Variants in PKHD1L1 observed in about 807,000 individuals in gnomAD.
The protein encoded by PKHD1L1 is fibrocystin-L.
PKHD1L1 carries 434 observed loss-of-function variants against 462.9 expected under a neutral mutation model. The observed-to-expected ratio is 0.94, with a 90% CI of 0.87 to 1.02. The LOEUF is 1.02. Ranked by LOEUF, PKHD1L1 falls within the 50% of genes least tolerant of loss-of-function variation. The pLI, the probability that PKHD1L1 is intolerant of heterozygous loss-of-function variation, is 0.00. For missense variants in PKHD1L1, 5,202 were observed against 5,096.1 expected, an observed-to-expected ratio of 1.02 and a Z score of -0.63; for synonymous variants, 1,781 against 1,750.0, an observed-to-expected ratio of 1.02 and a Z score of -0.44.
At chr8:109,402,010 G>C (rs1017431291) in intron 14 of PKHD1L1, among the ~76,000 whole-genome samples, 2 of 152,072 alleles carry the variant, frequency 1.3e-5, no homozygotes, top group Admixed American at 1.3e-4. Flanking sequence ...CCAGGCCCTG[G>C]GCCAGGTACT....
At chr8:109,482,111 GC>G (rs34100691) in intron 56 of PKHD1L1, among the ~76,000 whole-genome samples, 59,296 of 151,478 alleles carry the variant, frequency 0.39, 11,794 homozygotes, top group South Asian at 0.57. Flanking sequence ...AAAGCAAATG[GC>G]TTGAAAGAGT....
intron 76 of PKHD1L1, among the ~76,000 whole-genome samples, chr8:109,526,043 G>C (rs1344641932): frequency 6.6e-6 from 1 of 152,140 alleles, no homozygotes; most frequent in Non-Finnish European, 1.5e-5. Flanking sequence ...TGATAGCATA[G>C]ACCCAAAATA....
chr8:109,451,746 T>C (rs1310306560), intron 41 of PKHD1L1, among the ~76,000 whole-genome samples: 2 of 152,226 alleles, frequency 1.3e-5, no homozygotes, highest in African/African-American at 2.4e-5. Flanking sequence ...CATTTTTATC[T>C]GGAGGTTAAG....
chr8:109,467,903 G>A (rs763850645), intron 50 of PKHD1L1, among the ~76,000 whole-genome samples: 42 of 152,056 alleles, frequency 2.8e-4, no homozygotes, highest in Non-Finnish European at 4.4e-4. Flanking sequence ...ATAAGGAATC[G>A]TAAGTATAGA....
chr8:109,491,928 G>C lies in PKHD1L1; in HGVS notation c.10170G>C (p.Ser3390=). Residue 3390 remains serine, a synonymous_variant, in exon 62 of 78, where the codon TCG becomes TCC. Transcript: ENST00000378402. ...NRVRGNLIAL[S]VWPGTYQNRK... is the part of the protein sequence containing the mutation. ...TCCGAGGGAATTTGATTGCACTTTCGGTTTGGCCAGGAACCTATCAGAACA... is the reference window on the plus strand; with the variant it reads ...TCCGAGGGAATTTGATTGCACTTTCCGTTTGGCCAGGAACCTATCAGAACA... 1 of 1,603,556 alleles carries C rather than the reference G, an allele frequency of 6.2e-7. No individual in the cohort carries two copies. Among genetic ancestry groups the C allele is most frequent in the Non-Finnish European group, 8.5e-7 (1 of 1,172,778 alleles).
chr8:109,453,315 C>T (rs540050331), intron 43 of PKHD1L1, among the ~76,000 whole-genome samples: 18 of 152,268 alleles, frequency 1.2e-4, no homozygotes, highest in African/African-American at 3.8e-4. Context: ...CCTAAATGAT[C>T]CCCTTGACTC....
chr8:109,365,582 A>G (rs1184307751), intron 2 of PKHD1L1, among the ~76,000 whole-genome samples: 1 of 152,234 alleles, frequency 6.6e-6, no homozygotes, highest in African/African-American at 2.4e-5. Flanking sequence ...ATCTTTAACC[A>G]TATGTTTCTT....
chr8:109,465,522 G>A (rs758080895), intron 49 of PKHD1L1, among the ~76,000 whole-genome samples: 1 of 152,128 alleles, frequency 6.6e-6, no homozygotes, highest in Non-Finnish European at 1.5e-5. Flanking sequence ...CAATATTCAT[G>A]GAAACATTGA....
At chr8:109,503,629 C>T (rs1027398503) in intron 67 of PKHD1L1, among the ~76,000 whole-genome samples, 2 of 152,146 alleles carry the variant, frequency 1.3e-5, no homozygotes, top group Non-Finnish European at 1.5e-5. Flanking sequence ...TGGATCCAAT[C>T]AATTTTCTCT....
chr8:109,395,777 A>T (rs185131866), intron 10 of PKHD1L1, among the ~76,000 whole-genome samples: 31 of 152,222 alleles, frequency 2.0e-4, no homozygotes, highest in Admixed American at 3.9e-4. Context: ...TCGCATTACC[A>T]ATGTTGCTTT....
intron 55 of PKHD1L1, 58 bp from the exon 56 acceptor site, chr8:109,481,375 G>A (rs1000812033): frequency 1.4e-6 from 2 of 1,465,510 alleles, no homozygotes; most frequent in Admixed American, 5.0e-5. Context: ...CTTTTTTATG[G>A]GTGGATTTTT....
At position 109,466,698 on chromosome 8, in the gene PKHD1L1, A is replaced by ACCGTTTAG. The variant is rs1334070107; in HGVS notation, c.8536_8543dup (p.Phe2849ValfsTer2). 6.2e-7 allele frequency: 1 copy of ACCGTTTAG among 1,612,870 alleles called. No homozygotes were observed. Among genetic ancestry groups the ACCGTTTAG allele is most frequent in the Admixed American group, 1.7e-5 (1 of 59,850 alleles). On this transcript the variant is annotated frameshift_variant, in exon 50 of 78. Transcript: ENST00000378402. LOFTEE classifies it high-confidence loss of function. ...GTCTGTGATGCTTCAGTCAGCTTTC[A>ACCGTTTAG]CCGTTTAGCGTTCAACCAGCCTTCT...
At position 109,364,639 on chromosome 8, in the gene PKHD1L1, A is replaced by C; in HGVS notation, c.163+3A>C. On this transcript the variant is annotated splice_donor_region_variant and intron_variant, in intron 2 of 77. Transcript: ENST00000378402. ...AAGGCTGACTATAAGAGGGGAAGGT[A>C]TCGTTGCTTTTTTTTTTTTTTTTTT... 1 of 1,333,462 alleles carries C rather than the reference A, an allele frequency of 7.5e-7. No individual in the cohort carries two copies. The highest frequency in any genetic ancestry group is 1.6e-5 in the African/African-American group (1 of 62,950). The allele number at this position is 1,333,462 out of a possible 1,614,324, so 82.6% of individuals were successfully genotyped here.
At chr8:109,401,924 T>A (rs1436870803) in intron 14 of PKHD1L1, among the ~76,000 whole-genome samples, 3 of 152,176 alleles carry the variant, frequency 2.0e-5, no homozygotes, top group Non-Finnish European at 4.4e-5. Flanking sequence ...AGCTCTTCAG[T>A]ATTGCTAGGG....
At position 109,404,558 on chromosome 8, in the gene PKHD1L1, T is replaced by C. The variant is rs1481008258; in HGVS notation, c.1378T>C (p.Tyr460His). ...DIHLQKGKEYYIEILLQEYRL... is the reference protein window; with the variant it reads ...DIHLQKGKEYHIEILLQEYRL... ...ATTAGTTACTCTATTTTCCAGATAC[T>C]ATATTGAAATCTTGCTGCAGGAGTA... Residue 460 changes from tyrosine to histidine, a missense_variant, in exon 15 of 78, where the codon TAT becomes CAT. By Grantham distance (83) the Tyr-to-His change is moderately conservative (BLOSUM62 2). Transcript: ENST00000378402. The C allele has an allele frequency of 4.5e-6, 7 of 1,540,222 alleles. No homozygotes were observed. Among genetic ancestry groups the C allele is most frequent in the African/African-American group, 4.2e-5 (3 of 72,180 alleles).
chr8:109,483,688 T>C (rs1326379648), intron 57 of PKHD1L1, among the ~76,000 whole-genome samples: 1 of 151,100 alleles, frequency 6.6e-6, no homozygotes, highest in African/African-American at 2.4e-5. Context: ...CATTTTTGGA[T>C]AAAATTATTT....
At chr8:109,430,373 T>C (rs1249371922) in intron 27 of PKHD1L1, among the ~76,000 whole-genome samples, 1 of 152,168 alleles carries the variant, frequency 6.6e-6, no homozygotes, top group Admixed American at 6.5e-5. Context: ...CTGTACCAGC[T>C]AGGGTATTAA....
rs561402073 is a variant in PKHD1L1, at chr8:109,372,178, A to C, written c.163+7542A>C. ...ATTTGTTTGTATCCTCTTTTATTTC[A>C]TTGAGCAGTGGTTTGTAGTTCTCCT... On this transcript the variant is annotated intron_variant, in intron 2 of 77. Coordinates refer to ENST00000378402, the MANE Select transcript of PKHD1L1 (RefSeq NM_177531.6). 3.2e-4 allele frequency among the ~76,000 whole-genome samples: 49 copies of C among 152,086 alleles called. 1 individual carries two copies. The highest frequency in any genetic ancestry group is 5.9e-4 in the Admixed American group (9 of 15,272).
chr8:109,426,464 T>C (rs1454631926), intron 24 of PKHD1L1, among the ~76,000 whole-genome samples: 1 of 151,880 alleles, frequency 6.6e-6, no homozygotes, highest in Non-Finnish European at 1.5e-5. Flanking sequence ...AAAATAATTA[T>C]TTATTATTAT....
Sources: gnomAD v4.1 joint callset for allele counts (sites outside exome capture counted in the v4.1 genomes callset) on GRCh38, gnomAD v4.1.1 for gene constraint, MANE v1.5 for transcripts, NCBI Gene and HGNC (gene_info 2026-07-23, HGNC 2026-07-21) for gene names.